TTLL10: variants seen among roughly 807,000 people sequenced by gnomAD.
The protein encoded by TTLL10 is inactive polyglycylase TTLL10.
In TTLL10, 61 loss-of-function variants were observed where a neutral mutation model predicts 69.0. That is an observed-to-expected ratio of 0.88 (90% confidence interval 0.72 to 1.09). TTLL10 has a LOEUF of 1.09. TTLL10 is among the 50% of genes least tolerant of loss of function. The pLI is 0.00. For synonymous variants in TTLL10, 408 were observed against 393.3 expected (o/e 1.04, Z -0.44); for missense variants, 962 against 945.9 (o/e 1.02, Z -0.22).
chr1:1,189,202 A>G (rs1647562803), intron 13 of TTLL10, among the ~76,000 whole-genome samples: 1 of 152,218 alleles, frequency 6.6e-6, no homozygotes, highest in African/African-American at 2.4e-5. Context: ...AAAAGCAGTC[A>G]TCCTTGTTTG....
intron 9 of TTLL10, among the ~76,000 whole-genome samples, chr1:1,182,141 TG>T (rs892462492): frequency 3.3e-5 from 5 of 151,612 alleles, no homozygotes; most frequent in Admixed American, 6.6e-5. Flanking sequence ...GGGGCCCGGG[TG>T]GGGGTCAGCG....
chr1:1,176,207 T>G, intron 3 of TTLL10: 1 of 438,884 alleles, frequency 2.3e-6, no homozygotes, highest in Non-Finnish European at 4.5e-6. Context: ...GTGGAGAGGC[T>G]GCTGCTCCCA....
chr1:1,179,982 C>A (rs1646994245), intron 5 of TTLL10, 52 bp from the exon 6 acceptor site: 1 of 1,465,448 alleles, frequency 6.8e-7, no homozygotes, highest in African/African-American at 1.4e-5. Flanking sequence ...CATGTCCGGG[C>A]TGAGTGGGCA....
rs146252180 is a variant in TTLL10 at position 1,187,435 on chromosome 1, G to A, written c.1401+2326G>A. On this transcript the variant is annotated intron_variant, in intron 13 of 15. Transcript: ENST00000379289. Reference sequence around the variant, plus strand: ...ACCTGAGGTCAGGAGTTCAAGACCAGCCTGACCAATATGGTGAAACCCCAT... The same window carrying A: ...ACCTGAGGTCAGGAGTTCAAGACCAACCTGACCAATATGGTGAAACCCCAT... Among the ~76,000 whole-genome samples, 1,406 of 152,226 alleles carry A rather than the reference G, an allele frequency of 9.2e-3. 11 individuals are homozygous for A. Among genetic ancestry groups the A allele is most frequent in the Middle Eastern group, 0.037 (11 of 294 alleles).
chr1:1,182,127 G>A (rs192375686), intron 9 of TTLL10, among the ~76,000 whole-genome samples: 69 of 152,360 alleles, frequency 4.5e-4, no homozygotes, highest in African/African-American at 1.5e-3. Context: ...AGCAGCCAGC[G>A]GGAGGGGCCC....
Position 1,180,829 on chromosome 1 carries a change from G to A in TTLL10, c.724G>A (p.Ala242Thr). ...GGGACGGGCACGGGCCATGAGCAAG[G>A]CCAGCAAGGTGCCGGGGGGGGTCCA... ...LRGRARAMSKASKVPGGVQAR... is the reference protein window; with the variant it reads ...LRGRARAMSKTSKVPGGVQAR... The change falls in exon 8 of 16, where the codon GCC (alanine) becomes ACC (threonine). Residue 242 changes from alanine to threonine, a missense_variant. Coordinates refer to ENST00000379289, the MANE Select transcript of TTLL10 (RefSeq NM_001130045.2). 6.3e-7 allele frequency: 1 copy of A among 1,594,298 alleles called. No homozygotes were observed.
At chr1:1,177,363 G>C (rs1319329140) in intron 3 of TTLL10, among the ~76,000 whole-genome samples, 1 of 152,086 alleles carries the variant, frequency 6.6e-6, no homozygotes, top group Non-Finnish European at 1.5e-5. Flanking sequence ...CCAGGCTGGA[G>C]TGCAGTGGCA....
At chr1:1,175,243 G>A (rs1002331796) in intron 3 of TTLL10, 25 of 189,346 alleles carry the variant, frequency 1.3e-4, no homozygotes, top group African/African-American at 5.5e-4. Flanking sequence ...TCAGGCTTAC[G>A]ATGAAATCAG....
At position 1,180,010 on chromosome 1, in the gene TTLL10, G is replaced by T; in HGVS notation, c.200-24G>T. 2.7e-6 allele frequency: 4 copies of T among 1,499,746 alleles called. No homozygotes were observed. The South Asian group carries it at 5.5e-5, about 21-fold the overall frequency. 92.9% of individuals were successfully genotyped at this position (1,499,746 alleles called of 1,614,324 possible). ...AGTGGGCAGCTCCCGTAGCCACCCC[G>T]GTGGGACCCCACCCCGTTCACAGGC... On this transcript the variant is annotated intron_variant, in intron 5 of 15. Coordinates refer to ENST00000379289, the MANE Select transcript of TTLL10 (RefSeq NM_001130045.2).
rs781068703 is a variant in TTLL10, at chr1:1,197,505, C to T, written c.1680C>T (p.Arg560=). ...GQKMLPLLSQ[R]RFVLLHNGEA... is the part of the protein sequence containing the mutation. The stretch of plus-strand genomic sequence containing the variant: ...AGATGTTGCCTCTGCTGTCCCAGCG[C>T]CGCTTCGTGCTCCTGCACAACGGTG... Residue 560 remains arginine (R), a synonymous_variant, in exon 16 of 16, where the codon CGC becomes CGT. Coordinates refer to ENST00000379289, the MANE Select transcript of TTLL10 (RefSeq NM_001130045.2). 1 of 1,542,790 alleles carries T rather than the reference C, an allele frequency of 6.5e-7. No homozygotes were observed. The highest frequency in any genetic ancestry group is 8.7e-7 in the Non-Finnish European group (1 of 1,145,468).
At chr1:1,179,860 A>G in intron 5 of TTLL10, 123 bp downstream of exon 5, 2 of 1,444,328 alleles carry the variant, frequency 1.4e-6, no homozygotes, top group Non-Finnish European at 1.8e-6. Context: ...AGATGTAAGC[A>G]GTCCCCAGGC....
At chr1:1,189,324 G>A (rs1255583191) in intron 13 of TTLL10, among the ~76,000 whole-genome samples, 2 of 152,138 alleles carry the variant, frequency 1.3e-5, no homozygotes, top group African/African-American at 2.4e-5. Flanking sequence ...ATCCTAGAAG[G>A]ATGTTGAAAT....
Position 1,197,527 on chromosome 1 carries a change from G to T in TTLL10, c.1702G>T (p.Gly568Cys), listed in dbSNP as rs774422160. ...SQRRFVLLHN[G>C]EADPRPHLGG... is the part of the protein sequence containing the mutation. Reference sequence around the variant, plus strand: ...GCGCCGCTTCGTGCTCCTGCACAACGGTGAGGCCGACCCGCGGCCGCACCT... The same window carrying T: ...GCGCCGCTTCGTGCTCCTGCACAACTGTGAGGCCGACCCGCGGCCGCACCT... Residue 568 changes from glycine (G) to cysteine (C), a missense_variant, in exon 16 of 16, where the codon GGT becomes TGT. By Grantham distance (159) the Gly-to-Cys change is radical (BLOSUM62 -3). Coordinates refer to ENST00000379289, the MANE Select transcript of TTLL10 (RefSeq NM_001130045.2). 6 of 1,534,538 alleles carry T rather than the reference G, an allele frequency of 3.9e-6. No homozygotes were observed. Among genetic ancestry groups the T allele is most frequent in the Non-Finnish European group, 5.2e-6 (6 of 1,143,418 alleles).
At chr1:1,184,538 G>A (rs946247946) in intron 12 of TTLL10, among the ~76,000 whole-genome samples, 24 of 152,340 alleles carry the variant, frequency 1.6e-4, no homozygotes, top group Middle Eastern at 6.8e-3. Context: ...GGGTCCTCAC[G>A]GCTGAAGGGG....
At position 1,181,636 on chromosome 1, in the gene TTLL10, C is replaced by A; in HGVS notation, c.756-105C>A. The A allele has an allele frequency of 9.4e-7, 1 of 1,061,672 alleles. No homozygotes were observed. The highest frequency in any genetic ancestry group is 1.4e-6 in the Non-Finnish European group (1 of 730,384). The allele number at this position is 1,061,672 out of a possible 1,614,324, so 65.8% of individuals were successfully genotyped here. ...CCAGCCACCTCCTTCCACCACAACT[C>A]ACAGTCCGCCCACTCACCACCCATG... On this transcript the variant is annotated intron_variant, in intron 8 of 15. Coordinates refer to ENST00000379289, the MANE Select transcript of TTLL10 (RefSeq NM_001130045.2). This position sits in a 1 kb window ranked among gnomAD's most constrained non-coding sequence, Gnocchi z 4.6.
intron 3 of TTLL10, chr1:1,174,942 CCT>C (rs1251021325): frequency 2.0e-5 from 3 of 152,284 alleles, no homozygotes; most frequent in African/African-American, 7.2e-5. Context: ...ATGGAGAAAC[CCT>C]GTCTCTACTA....
In TTLL10 at chr1:1,179,324, C is replaced by G. The variant is rs980751638; in HGVS notation, c.109C>G (p.Arg37Gly). Residue 37 changes from arginine to glycine, a missense_variant, in exon 4 of 16, where the codon CGA (arginine) becomes GGA (glycine). Arg to Gly is a moderately radical substitution (Grantham distance 125). Coordinates refer to ENST00000379289, the MANE Select transcript of TTLL10 (RefSeq NM_001130045.2). ...RPRIQQRPRA[R>G]VSGTIPASRL... Reference sequence around the variant, plus strand: ...AAGGATCCAGCAGAGGCCTCGGGCTCGAGTCTCAGGTGAATAGAGCAGCCC... The same window carrying G: ...AAGGATCCAGCAGAGGCCTCGGGCTGGAGTCTCAGGTGAATAGAGCAGCCC... The G allele has an allele frequency of 1.9e-6, 3 of 1,551,200 alleles. No homozygotes were observed. The highest frequency in any genetic ancestry group is 2.0e-5 in the Admixed American group (1 of 50,998).
intron 4 of TTLL10, 126 bp downstream of exon 4, chr1:1,179,459 G>A (rs544129424): frequency 2.4e-6 from 3 of 1,237,746 alleles, no homozygotes; most frequent in East Asian, 2.6e-5. Context: ...ACATGGCCAT[G>A]CCCCGCTGCT....
intron 13 of TTLL10, among the ~76,000 whole-genome samples, chr1:1,191,538 G>A (rs1347899303): frequency 6.6e-6 from 1 of 152,206 alleles, no homozygotes. Context: ...GAATATCCAT[G>A]TGCACTGGAG....
Sources: gnomAD v4.1 joint callset for allele counts (sites outside exome capture counted in the v4.1 genomes callset) on GRCh38, gnomAD v4.1.1 for gene constraint, Gnocchi (gnomAD v3.1) non-coding constraint, MANE v1.5 for transcripts, NCBI Gene and HGNC (gene_info 2026-07-23, HGNC 2026-07-21) for gene names.